APLF: variants seen among roughly 807,000 people sequenced by gnomAD.
APLF encodes aprataxin and PNK-like factor.
In APLF, 61 loss-of-function variants were observed where a neutral mutation model predicts 55.6. That is an observed-to-expected ratio of 1.10 (90% CI 0.89 to 1.36). APLF has a LOEUF of 1.36. Among genes scored for constraint, APLF ranks in the 40% most tolerant of loss-of-function variants. The pLI, the probability that APLF is intolerant of heterozygous loss-of-function variation, is 0.00. For missense variants in APLF, 611 were observed against 602.5 expected, an observed-to-expected ratio of 1.01 and a Z score of -0.15; for synonymous variants, 207 against 214.8, an observed-to-expected ratio of 0.96 and a Z score of 0.32.
chr2:68,548,844 C>G (rs1202919360), intron 8 of APLF, among the ~76,000 whole-genome samples: 1 of 151,910 alleles, frequency 6.6e-6, no homozygotes, highest in African/African-American at 2.4e-5. Flanking sequence ...GTTTGTGCAG[C>G]TATCGACTCA....
At chr2:68,518,283 ATAT>A (rs1413024429) in intron 5 of APLF, among the ~76,000 whole-genome samples, 10 of 113,644 alleles carry the variant, frequency 8.8e-5, no homozygotes, top group Admixed American at 4.2e-4. Context: ...TCAGTATATA[ATAT>A]TAATATATTA....
At chr2:68,521,236 G>T (rs961627052) in intron 5 of APLF, among the ~76,000 whole-genome samples, 14 of 151,896 alleles carry the variant, frequency 9.2e-5, no homozygotes, top group Admixed American at 7.9e-4. Flanking sequence ...GAGTTGTTTG[G>T]ATGCATCTCT....
chr2:68,496,748 A>C (rs1035733193), intron 2 of APLF, among the ~76,000 whole-genome samples: 2 of 152,100 alleles, frequency 1.3e-5, no homozygotes, highest in African/African-American at 4.8e-5. Flanking sequence ...CTCTGCTAAG[A>C]CGTAACATAC....
At chr2:68,486,477 T>A (rs1676177794) in intron 1 of APLF, among the ~76,000 whole-genome samples, 2 of 151,968 alleles carry the variant, frequency 1.3e-5, no homozygotes, top group Non-Finnish European at 2.9e-5. Context: ...TGTGACTTAA[T>A]TTTTTTTGGG....
In APLF at chr2:68,578,130, A is replaced by G. The variant is rs1280394877; in HGVS notation, c.*108A>G. On this transcript the variant is annotated 3_prime_UTR_variant, in exon 10 of 10. Coordinates refer to ENST00000303795, the MANE Select transcript of APLF (RefSeq NM_173545.3). Reference sequence around the variant, plus strand: ...TGACAGTTATTTTCCTTCTTTTGATAGTTAATGACTTTTACTACTGACTCT... The same window carrying G: ...TGACAGTTATTTTCCTTCTTTTGATGGTTAATGACTTTTACTACTGACTCT... The G allele has an allele frequency of 6.9e-7, 1 of 1,455,300 alleles. No homozygotes were observed. Among genetic ancestry groups the G allele is most frequent in the Admixed American group, 2.6e-5 (1 of 38,344 alleles). The allele number at this position is 1,455,300 out of a possible 1,614,324, so 90.1% of individuals were successfully genotyped here. A position where few individuals can be genotyped will look rare whatever the true frequency, so the allele number is the denominator to read the frequency against.
intron 3 of APLF, among the ~76,000 whole-genome samples, chr2:68,504,505 A>G (rs1271384113): frequency 1.3e-5 from 2 of 152,004 alleles, no homozygotes; most frequent in Non-Finnish European, 1.5e-5. Context: ...GCAATTCACC[A>G]TAACAGACTA....
intron 8 of APLF, among the ~76,000 whole-genome samples, chr2:68,565,221 A>C (rs1671269872): frequency 6.6e-6 from 1 of 151,956 alleles, no homozygotes; most frequent in Non-Finnish European, 1.5e-5. Context: ...ATAACACTCT[A>C]TTTTTCTTGG....
chr2:68,497,558 A>G (rs917184435), intron 2 of APLF, among the ~76,000 whole-genome samples: 4 of 151,608 alleles, frequency 2.6e-5, no homozygotes, highest in African/African-American at 9.7e-5. Flanking sequence ...TGTACAGGCT[A>G]CAGAACTGTG....
chr2:68,524,588 C>T (rs1306671230), intron 5 of APLF, among the ~76,000 whole-genome samples: 1 of 152,226 alleles, frequency 6.6e-6, no homozygotes, highest in Non-Finnish European at 1.5e-5. Context: ...TGTTTACTCT[C>T]TGGCTTTTTA....
chr2:68,477,954 C>A (rs1271952140), intron 1 of APLF, among the ~76,000 whole-genome samples: 1 of 151,268 alleles, frequency 6.6e-6, no homozygotes, highest in African/African-American at 2.4e-5. Flanking sequence ...TGTTACAATA[C>A]AAGGTGAGAT....
At position 68,578,895 on chromosome 2, in the gene APLF, A is replaced by C. The variant is rs1332049541; in HGVS notation, c.*873A>C. The C allele has an allele frequency of 1.0e-6, 1 of 985,244 alleles. No homozygotes were observed. Among genetic ancestry groups the C allele is most frequent in the African/African-American group, 1.7e-5 (1 of 57,234 alleles). The allele number at this position is 985,244 out of a possible 1,614,324, so 61.0% of individuals were successfully genotyped here. On this transcript the variant is annotated 3_prime_UTR_variant, in exon 10 of 10. Transcript: ENST00000303795. ...TTCAAGATTCTGGCCTCCCATATCA[A>C]GAAGAAACCACTTATTCTCCAGTTT...
rs1671686648 is a variant in APLF, at chr2:68,578,628, G to A, written c.*606G>A. The A allele has an allele frequency of 3.0e-6, 3 of 985,198 alleles. No individual in the cohort carries two copies. The highest frequency in any genetic ancestry group is 3.6e-6 in the Non-Finnish European group (3 of 829,872). The allele number at this position is 985,198 out of a possible 1,614,324, so 61.0% of individuals were successfully genotyped here. A position where few individuals can be genotyped will look rare whatever the true frequency, so the allele number is the denominator to read the frequency against. ...GCTGTAGAAGAGAAATGTTCACCAT[G>A]TAGGGAATGTTATTTTGTGTTCCAC... On this transcript the variant is annotated 3_prime_UTR_variant, in exon 10 of 10. Coordinates refer to ENST00000303795, the MANE Select transcript of APLF (RefSeq NM_173545.3).
At position 68,502,184 on chromosome 2, in the gene APLF, A is replaced by G. The variant is rs935427154; in HGVS notation, c.169-547A>G. Among the ~76,000 whole-genome samples the G allele has an allele frequency of 3.3e-5, 5 of 152,300 alleles. No individual in the cohort carries two copies. In the South Asian group the frequency reaches 1.0e-3, roughly 32 times the overall value. Reference sequence around the variant, plus strand: ...TTATGACCTACATGTTAAAGGTCCTACTTGTCAACACTGTTGCCTTAGGGT... The same window carrying G: ...TTATGACCTACATGTTAAAGGTCCTGCTTGTCAACACTGTTGCCTTAGGGT... On this transcript the variant is annotated intron_variant, in intron 2 of 9. Coordinates refer to ENST00000303795, the MANE Select transcript of APLF (RefSeq NM_173545.3).
At chr2:68,471,845 A>G (rs1459453575) in intron 1 of APLF, among the ~76,000 whole-genome samples, 1 of 152,180 alleles carries the variant, frequency 6.6e-6, no homozygotes, top group Non-Finnish European at 1.5e-5. Context: ...TCTGAGCCAA[A>G]TATGAGTGAC....
intron 1 of APLF, among the ~76,000 whole-genome samples, chr2:68,488,255 C>T (rs144582725): frequency 4.0e-5 from 6 of 151,742 alleles, no homozygotes; most frequent in East Asian, 3.9e-4. Flanking sequence ...TACTCTCAGC[C>T]GCATTTTTTG....
At chr2:68,515,254 T>C (rs1158847538) in intron 5 of APLF, among the ~76,000 whole-genome samples, 1 of 151,080 alleles carries the variant, frequency 6.6e-6, no homozygotes, top group Non-Finnish European at 1.5e-5. Context: ...ACTACAGTTG[T>C]TTTCAGTTCT....
intron 5 of APLF, among the ~76,000 whole-genome samples, chr2:68,519,719 G>T (rs1012547279): frequency 3.5e-4 from 53 of 150,984 alleles, no homozygotes; most frequent in African/African-American, 1.3e-3. Context: ...CTCATTGACT[G>T]ATGGGCATTT....
At chr2:68,483,704 C>T (rs1375218677) in intron 1 of APLF, among the ~76,000 whole-genome samples, 1 of 152,034 alleles carries the variant, frequency 6.6e-6, no homozygotes, top group Non-Finnish European at 1.5e-5. Context: ...CTATAATATA[C>T]ATCCTGTGTA....
rs72901921 is a variant in APLF at position 68,516,416 on chromosome 2, T to A, written c.622+2736T>A. ...ATTTTTCAGCCAATACAGTTTATTA[T>A]TATTATTATCATCACTATTATATAT... On this transcript the variant is annotated intron_variant, in intron 5 of 9. Transcript: ENST00000303795. Among the ~76,000 whole-genome samples, 986 of 151,472 alleles carry A rather than the reference T, an allele frequency of 6.5e-3. 7 individuals are homozygous for A. The highest frequency in any genetic ancestry group is 0.023 in the African/African-American group (943 of 41,422).
Sources: gnomAD v4.1 joint callset for allele counts (sites outside exome capture counted in the v4.1 genomes callset) on GRCh38, gnomAD v4.1.1 for gene constraint, MANE v1.5 for transcripts, NCBI Gene and HGNC (gene_info 2026-07-23, HGNC 2026-07-21) for gene names.